MMP21: variants seen among roughly 807,000 people sequenced by gnomAD.
MMP21 encodes matrix metallopeptidase 21, also known as matrix metalloproteinase-21.
MMP21 carries 40 observed loss-of-function variants against 47.8 expected under a neutral mutation model. The ratio of observed to expected loss-of-function variants is 0.84; its 90% CI spans 0.65 to 1.09. The LOEUF is 1.09. MMP21 is among the 50% of genes least tolerant of loss of function. MMP21 has a pLI of 0.00. For missense variants in MMP21, 747 were observed against 775.3 expected, an observed-to-expected ratio of 0.96 and a Z score of 0.43; for synonymous variants, 341 against 318.0, an observed-to-expected ratio of 1.07 and a Z score of -0.77.
At position 125,772,136 on chromosome 10, in the gene MMP21, G is replaced by A. The variant is rs1850452925; in HGVS notation, c.979+82C>T. On this transcript the variant is annotated intron_variant, in intron 4 of 6. Coordinates refer to ENST00000368808, the MANE Select transcript of MMP21 (RefSeq NM_147191.1). The surrounding 1 kb of genome is among the most constrained non-coding windows in gnomAD (Gnocchi z 5.6). ...TTGCGCTCTTAGGCCCAGTTTCCCA[G>A]TGAGGAGTGAGCGGGGTCCTACAGT... 3 of 1,531,786 alleles carry A rather than the reference G, an allele frequency of 2.0e-6. No homozygotes were observed. The highest frequency in any genetic ancestry group is 2.7e-6 in the Non-Finnish European group (3 of 1,118,106). The allele number at this position is 1,531,786 out of a possible 1,614,324, so 94.9% of individuals were successfully genotyped here.
chr10:125,772,758 G>T lies in MMP21; in HGVS notation c.698-8C>A, dbSNP rs780850212. The T allele has an allele frequency of 1.2e-6, 2 of 1,611,036 alleles. No individual in the cohort carries two copies. Among genetic ancestry groups the T allele is most frequent in the South Asian group, 2.2e-5 (2 of 91,000 alleles). ...GACAGCCCAGGTGCCGGCCTGGCGA[G>T]GGGGAGGAGGAGTTGGTCCCGGTGA... On this transcript the variant is annotated splice_region_variant and splice_polypyrimidine_tract_variant and intron_variant, in intron 2 of 6. Transcript: ENST00000368808. This position sits in a 1 kb window ranked among gnomAD's most constrained non-coding sequence, Gnocchi z 5.6.
At chr10:125,771,531 G>A (rs1416686338) in intron 4 of MMP21, among the ~76,000 whole-genome samples, 1 of 151,908 alleles carries the variant, frequency 6.6e-6, no homozygotes, top group South Asian at 2.1e-4. Flanking sequence ...AGCCTCCCAA[G>A]TAGCTGGGAT....
rs759520107 is a variant in MMP21, at chr10:125,772,368, G to A, written c.838-9C>T. ...ATTTCATGGACGGCCACCTAGAAGG[G>A]GACACACACCATGGGTGCTGGGTGA... On this transcript the variant is annotated splice_polypyrimidine_tract_variant and intron_variant, in intron 3 of 6. Transcript: ENST00000368808. This position sits in a 1 kb window ranked among gnomAD's most constrained non-coding sequence, Gnocchi z 5.6. 4 of 1,613,814 alleles carry A rather than the reference G, an allele frequency of 2.5e-6. No individual in the cohort carries two copies. The African/African-American group carries it at 4.0e-5, about 16-fold the overall frequency.
Position 125,774,351 on chromosome 10 carries a change from T to C in MMP21, c.177A>G (p.Arg59=), listed in dbSNP as rs1392933838. 1.5e-6 allele frequency: 2 copies of C among 1,378,126 alleles called. No individual in the cohort carries two copies. Among genetic ancestry groups the C allele is most frequent in the Non-Finnish European group, 1.9e-6 (2 of 1,070,918 alleles). 85.4% of individuals were successfully genotyped at this position (1,378,126 alleles called of 1,614,324 possible). ...CCGCCCACACCCCTGACCAGCCGTA[T>C]CTGGACAGGAACCGCTGTGGGAGAG... is the stretch of plus-strand genomic sequence containing the variant. The part of the protein sequence containing the change: ...DLHAAQRFLS[R]YGWSGVWAAW... Residue 59 remains arginine, a synonymous_variant, in exon 2 of 7, where the codon AGA becomes AGG. Coordinates refer to ENST00000368808, the MANE Select transcript of MMP21 (RefSeq NM_147191.1).
chr10:125,775,698 G>A lies in MMP21; in HGVS notation c.124C>T (p.Arg42Cys), dbSNP rs750411749. ...DRSDLEPSPL[R>C]QAKPIADLHA... ...AGGTCGGCAATGGGCTTGGCCTGGC[G>A]CAGTGGGGACGGCTCCAGGTCCGAG... Residue 42 changes from arginine (R) to cysteine (C), a missense_variant, in exon 1 of 7, where the codon CGC (arginine) becomes TGC (cysteine). By Grantham distance (180) the Arg-to-Cys change is radical. Transcript: ENST00000368808. The A allele has an allele frequency of 5.6e-6, 9 of 1,613,042 alleles. No homozygotes were observed. The highest frequency in any genetic ancestry group is 2.2e-5 in the East Asian group (1 of 44,824).
intron 5 of MMP21, among the ~76,000 whole-genome samples, chr10:125,768,624 C>G (rs967259868): frequency 2.0e-5 from 3 of 152,224 alleles, no homozygotes; most frequent in African/African-American, 7.2e-5. Context: ...TGACGTTCAT[C>G]CAGTTAGAGA....
rs1166073375 is a variant in MMP21 at position 125,773,906 on chromosome 10, C to T, written c.622G>A (p.Val208Met). 1.9e-6 allele frequency: 3 copies of T among 1,584,226 alleles called. No homozygotes were observed. The highest frequency in any genetic ancestry group is 1.4e-5 in the African/African-American group (1 of 72,894). ...VALAFRMWSEVTPLDFREDLA... is the reference protein window; with the variant it reads ...VALAFRMWSEMTPLDFREDLA... Reference sequence around the variant, plus strand: ...TCCTCGCGGAAGTCCAGCGGCGTCACCTCGCTCCACATCCTGAAGGCCAGC... The same window carrying T: ...TCCTCGCGGAAGTCCAGCGGCGTCATCTCGCTCCACATCCTGAAGGCCAGC... The change falls in exon 2 of 7, where the codon GTG becomes ATG. Residue 208 changes from valine (V) to methionine (M), a missense_variant. Val to Met is a conservative substitution (Grantham distance 21). Coordinates refer to ENST00000368808, the MANE Select transcript of MMP21 (RefSeq NM_147191.1). This position sits in a 1 kb window ranked among gnomAD's most constrained non-coding sequence, Gnocchi z 4.8.
In MMP21 at chr10:125,770,446, G is replaced by A. The variant is rs1349784483; in HGVS notation, c.1125C>T (p.Arg375=). The change falls in exon 5 of 7, where the codon CGC becomes CGT. Residue 375 remains arginine (R), a synonymous_variant. Transcript: ENST00000368808. ...WLYENRNNRT[R]YGDPIQILTG... ...TGAGGATTTGGATAGGGTCCCCATA[G>A]CGTGTCCTATTGTTTCGATTTTCAT... 6.2e-7 allele frequency: 1 copy of A among 1,614,162 alleles called. No individual in the cohort carries two copies. Among genetic ancestry groups the A allele is most frequent in the Non-Finnish European group, 8.5e-7 (1 of 1,180,034 alleles).
chr10:125,772,912 G>C lies in MMP21; in HGVS notation c.698-162C>G, dbSNP rs374966748. On this transcript the variant is annotated intron_variant, in intron 2 of 6. Coordinates refer to ENST00000368808, the MANE Select transcript of MMP21 (RefSeq NM_147191.1). This position sits in a 1 kb window ranked among gnomAD's most constrained non-coding sequence, Gnocchi z 5.6. ...ATGTGCGGAGGGTGGGAGACGGTTT[G>C]TTTGTAAACTGTGTTTACAGTCCAC... Among the ~76,000 whole-genome samples the C allele has an allele frequency of 2.0e-5, 3 of 152,302 alleles. No homozygotes were observed. In the East Asian group the frequency reaches 5.8e-4, roughly 29 times the overall value.
At position 125,772,462 on chromosome 10, in the gene MMP21, AG is replaced by A. The variant is rs1850459627; in HGVS notation, c.838-104del. ...TTCGAGAGGAGCGTTGCTTGTGAAG[AG>A]GGGAGCACCGGTGGAACTGGGGAGC... On this transcript the variant is annotated intron_variant, in intron 3 of 6. Coordinates refer to ENST00000368808, the MANE Select transcript of MMP21 (RefSeq NM_147191.1). This position sits in a 1 kb window ranked among gnomAD's most constrained non-coding sequence, Gnocchi z 5.6. The A allele has an allele frequency of 7.0e-6, 11 of 1,572,128 alleles. No homozygotes were observed. The highest frequency in any genetic ancestry group is 7.8e-6 in the Non-Finnish European group (9 of 1,150,844).
chr10:125,772,053 A>T lies in MMP21; in HGVS notation c.979+165T>A, dbSNP rs28381297. Reference sequence around the variant, plus strand: ...TGGGCAAAACCACTTTTTAACTGAGAGAATGGCATCAGGGAGCTAGAGGGT... The same window carrying T: ...TGGGCAAAACCACTTTTTAACTGAGTGAATGGCATCAGGGAGCTAGAGGGT... On this transcript the variant is annotated intron_variant, in intron 4 of 6. Coordinates refer to ENST00000368808, the MANE Select transcript of MMP21 (RefSeq NM_147191.1). This position sits in a 1 kb window ranked among gnomAD's most constrained non-coding sequence, Gnocchi z 5.6. Among the ~76,000 whole-genome samples the T allele has an allele frequency of 1.3e-5, 2 of 152,276 alleles. No homozygotes were observed. The highest frequency in any genetic ancestry group is 3.9e-4 in the East Asian group (2 of 5,170).
chr10:125,773,738 C>A lies in MMP21; in HGVS notation c.697+93G>T. On this transcript the variant is annotated intron_variant, in intron 2 of 6. Transcript: ENST00000368808. The surrounding 1 kb of genome is among the most constrained non-coding windows in gnomAD (Gnocchi z 4.8). ...CCCGGGACAGGCCGGGAGGGCTTAG[C>A]CCCCCATTCTGCAGGTGGCCGAGGT... The A allele has an allele frequency of 1.4e-6, 2 of 1,413,198 alleles. No individual in the cohort carries two copies. The highest frequency in any genetic ancestry group is 3.1e-5 in the South Asian group (2 of 65,172). The allele number at this position is 1,413,198 out of a possible 1,614,324, so 87.5% of individuals were successfully genotyped here.
In MMP21 at chr10:125,766,644, ATTTCC is replaced by A. The variant is rs781052746; in HGVS notation, c.*13_*17del. On this transcript the variant is annotated 3_prime_UTR_variant, in exon 7 of 7. Coordinates refer to ENST00000368808, the MANE Select transcript of MMP21 (RefSeq NM_147191.1). ...TTTTAGCGAAGTCCTATGACCCTCC[ATTTCC>A]TACTTTTTCTTATTACATGTTCAGT... is the stretch of plus-strand genomic sequence containing the variant. 11 of 1,567,406 alleles carry A rather than the reference ATTTCC, an allele frequency of 7.0e-6. No homozygotes were observed. The African/African-American group carries it at 1.1e-4, about 16-fold the overall frequency.
intron 4 of MMP21, among the ~76,000 whole-genome samples, chr10:125,771,406 A>ATT (rs11432830): frequency 0.013 from 1,895 of 140,384 alleles, 58 homozygotes; most frequent in African/African-American, 0.046. Context: ...GTTAGGGACT[A>ATT]TTTTTTTTTT....
chr10:125,773,881 T>C lies in MMP21; in HGVS notation c.647A>G (p.Asp216Gly), dbSNP rs985670055. 1.3e-6 allele frequency: 2 copies of C among 1,575,672 alleles called. No homozygotes were observed. The highest frequency in any genetic ancestry group is 1.4e-5 in the African/African-American group (1 of 71,808). ...GACCGCGGCCCCGGGGGCGGCCAGG[T>C]CCTCGCGGAAGTCCAGCGGCGTCAC... ...SEVTPLDFRE[D>G]LAAPGAAVDI... Residue 216 changes from aspartate (D) to glycine (G), a missense_variant, in exon 2 of 7, where the codon GAC becomes GGC. Asp to Gly is a moderately conservative substitution (Grantham distance 94). Transcript: ENST00000368808. This position sits in a 1 kb window ranked among gnomAD's most constrained non-coding sequence, Gnocchi z 4.8.
intron 4 of MMP21, 149 bp from the exon 5 acceptor site, chr10:125,770,740 G>T: frequency 2.4e-6 from 2 of 846,488 alleles, no homozygotes; most frequent in Non-Finnish European, 3.6e-6. Flanking sequence ...CTGAAGTGGG[G>T]CCAGGTGCAG....
In MMP21 at chr10:125,774,066, C is replaced by A; in HGVS notation, c.462G>T (p.Arg154=). The A allele has an allele frequency of 6.9e-7, 1 of 1,444,728 alleles. No individual in the cohort carries two copies. The highest frequency in any genetic ancestry group is 9.1e-7 in the Non-Finnish European group (1 of 1,101,936). The allele number at this position is 1,444,728 out of a possible 1,614,324, so 89.5% of individuals were successfully genotyped here. ...RSPRAPLSLS[R]RGWQPRGYPD... ...GGTAGCCCCGGGGCTGCCAACCCCG[C>A]CGGGACAAGGACAGCGGCGCCCGCG... is the stretch of plus-strand genomic sequence containing the variant. Residue 154 remains arginine, a synonymous_variant, in exon 2 of 7, where the codon CGG becomes CGT. Transcript: ENST00000368808.
In MMP21 at chr10:125,766,679, A is replaced by G. The variant is rs1448783330; in HGVS notation, c.1693T>C (p.Ser565Pro). ...KWFDVCDVHI[S>P]TLNM The stretch of plus-strand genomic sequence containing the variant: ...TTTTCTTATTACATGTTCAGTGTGG[A>G]GATATGGACGTCACAAACATCAAAC... Residue 565 changes from serine to proline, a missense_variant, in exon 7 of 7, where the codon TCC becomes CCC. Ser to Pro is a moderately conservative substitution (Grantham distance 74). Coordinates refer to ENST00000368808, the MANE Select transcript of MMP21 (RefSeq NM_147191.1). The G allele has an allele frequency of 6.2e-7, 1 of 1,608,796 alleles. No homozygotes were observed. The highest frequency in any genetic ancestry group is 8.5e-7 in the Non-Finnish European group (1 of 1,178,228).
rs761330530 is a variant in MMP21 at position 125,773,800 on chromosome 10, C to G, written c.697+31G>C. On this transcript the variant is annotated intron_variant, in intron 2 of 6. Coordinates refer to ENST00000368808, the MANE Select transcript of MMP21 (RefSeq NM_147191.1). This position sits in a 1 kb window ranked among gnomAD's most constrained non-coding sequence, Gnocchi z 4.8. ...CGCCGGGGTCCCCGAGGGGCTGGGT[C>G]GGGCAGGCAGGGAGCCCGGGGTGCT... The G allele has an allele frequency of 6.8e-7, 1 of 1,470,176 alleles. No individual in the cohort carries two copies. Among genetic ancestry groups the G allele is most frequent in the South Asian group, 1.4e-5 (1 of 72,856 alleles). 91.1% of individuals were successfully genotyped at this position (1,470,176 alleles called of 1,614,324 possible).
Sources: gnomAD v4.1 joint callset for allele counts (sites outside exome capture counted in the v4.1 genomes callset) on GRCh38, gnomAD v4.1.1 for gene constraint, Gnocchi (gnomAD v3.1) non-coding constraint, MANE v1.5 for transcripts, NCBI Gene and HGNC (gene_info 2026-07-23, HGNC 2026-07-21) for gene names.